The following PDE10A variants were observed in gnomAD, a reference collection of about 807,000 sequenced individuals.
The protein encoded by PDE10A is phosphodiesterase 10A.
PDE10A carries 39 observed loss-of-function variants against 97.7 expected under a neutral mutation model. The ratio of observed to expected loss-of-function variants is 0.40; its 90% CI spans 0.31 to 0.52. The LOEUF (loss-of-function observed/expected upper bound fraction) is 0.52, where lower values mean the gene tolerates loss of function less well. Ranked by LOEUF, PDE10A falls within the 20% of genes least tolerant of loss-of-function variation. PDE10A has a pLI of 0.56. For missense variants in PDE10A, 731 were observed against 1,047.8 expected, an observed-to-expected ratio of 0.70 and a Z score of 4.17; for synonymous variants, 371 against 376.8, an observed-to-expected ratio of 0.98 and a Z score of 0.18.
chr6:165,573,420 T>C (rs985470683), intron 1 of PDE10A, among the ~76,000 whole-genome samples: 3 of 152,192 alleles, frequency 2.0e-5, no homozygotes, highest in African/African-American at 7.2e-5. Context: ...GATAAACAGC[T>C]TGTTAGGCAT....
Position 165,379,379 on chromosome 6 carries a change from T to C in PDE10A, c.2611-13A>G, listed in dbSNP as rs1562400913. 5.0e-6 allele frequency: 8 copies of C among 1,600,294 alleles called. No individual in the cohort carries two copies. Among genetic ancestry groups the C allele is most frequent in the South Asian group, 1.1e-5 (1 of 88,906 alleles). On this transcript the variant is annotated splice_polypyrimidine_tract_variant and intron_variant, in intron 17 of 21. Transcript: ENST00000539869. ...TGTGCCCTTCCAACTAGGGAAAAAA[T>C]ACAAATAAAAACCACCAATAACAAG...
chr6:165,923,041 C>T (rs527982477), intron 1 of PDE10A, among the ~76,000 whole-genome samples: 26 of 152,150 alleles, frequency 1.7e-4, no homozygotes, highest in Non-Finnish European at 1.5e-5. Flanking sequence ...CCCTAGCCCA[C>T]TGTAATGGGT....
intron 5 of PDE10A, among the ~76,000 whole-genome samples, chr6:165,437,114 A>G (rs1055110107): frequency 4.6e-5 from 7 of 152,200 alleles, no homozygotes; most frequent in Non-Finnish European, 1.0e-4. Flanking sequence ...ATGTCATAAT[A>G]AAAACAGAAG....
chr6:165,680,419 G>T (rs1439760839), intron 1 of PDE10A, among the ~76,000 whole-genome samples: 1 of 152,138 alleles, frequency 6.6e-6, no homozygotes, highest in South Asian at 2.1e-4. Flanking sequence ...AGCTACAATC[G>T]GAGGTACTTT....
chr6:165,471,755 T>G lies in PDE10A; in HGVS notation c.1023+10560A>C, dbSNP rs548138426. Among the ~76,000 whole-genome samples the G allele has an allele frequency of 4.6e-5, 7 of 152,268 alleles. No homozygotes were observed. In the South Asian group the frequency reaches 1.2e-3, roughly 27 times the overall value. On this transcript the variant is annotated intron_variant, in intron 3 of 21. Transcript: ENST00000539869. ...CAGAATTCTATCAAACCCAAGCATT[T>G]TCCCCTACCTCCATTACCACCAGCC... is the stretch of plus-strand genomic sequence containing the variant.
intron 1 of PDE10A, among the ~76,000 whole-genome samples, chr6:165,643,927 C>G (rs183773694): frequency 5.9e-5 from 9 of 152,302 alleles, no homozygotes; most frequent in African/African-American, 2.2e-4. Context: ...TGTATGCATA[C>G]ATCAAAGAAT....
At chr6:165,852,627 T>C (rs1025572905) in intron 1 of PDE10A, among the ~76,000 whole-genome samples, 2 of 152,178 alleles carry the variant, frequency 1.3e-5, no homozygotes, top group African/African-American at 2.4e-5. Flanking sequence ...CAGCCCACCA[T>C]GTGGAGAAGC....
At chr6:165,972,639 G>A (rs1382344582) in intron 1 of PDE10A, among the ~76,000 whole-genome samples, 1 of 152,098 alleles carries the variant, frequency 6.6e-6, no homozygotes, top group Non-Finnish European at 1.5e-5. Flanking sequence ...ACTGAGGCTC[G>A]GGTGCTGAGA....
At chr6:165,793,916 C>G (rs1304374476) in intron 1 of PDE10A, among the ~76,000 whole-genome samples, 1 of 152,194 alleles carries the variant, frequency 6.6e-6, no homozygotes, top group Non-Finnish European at 1.5e-5. Context: ...CCCAAATTAT[C>G]TGGTTTAATC....
intron 1 of PDE10A, among the ~76,000 whole-genome samples, chr6:165,753,812 G>A (rs770021376): frequency 3.9e-5 from 6 of 152,072 alleles, no homozygotes; most frequent in Non-Finnish European, 7.4e-5. Context: ...TTCCATATTG[G>A]AATGAGCATA....
At chr6:165,700,175 T>C (rs1791533039) in intron 1 of PDE10A, among the ~76,000 whole-genome samples, 1 of 152,210 alleles carries the variant, frequency 6.6e-6, no homozygotes, top group African/African-American at 2.4e-5. Context: ...GAAAACATTA[T>C]GCTCAGTGAA....
chr6:165,965,302 C>A (rs927988451), intron 1 of PDE10A, among the ~76,000 whole-genome samples: 1 of 152,026 alleles, frequency 6.6e-6, no homozygotes, highest in East Asian at 1.9e-4. Context: ...GGCTGGGTAG[C>A]GTTCTGAATG....
At chr6:165,606,036 C>T (rs994025844) in intron 1 of PDE10A, among the ~76,000 whole-genome samples, 7 of 151,762 alleles carry the variant, frequency 4.6e-5, no homozygotes, top group Non-Finnish European at 7.4e-5. Context: ...GAGCTGGGCA[C>T]GCAGCAGGTG....
In PDE10A at chr6:165,850,213, C is replaced by G. The variant is rs373709516; in HGVS notation, c.-615+137316G>C. On this transcript the variant is annotated intron_variant, in intron 1 of 19. Transcript: ENST00000366882. ...GACAGCTCGCCCCATGGAGCCGCCA[C>G]CTGGACTCCGGGAGGCGCCAAGGCT... Among the ~76,000 whole-genome samples the G allele has an allele frequency of 1.0e-3, 159 of 152,338 alleles. 3 individuals are homozygous for G. In the South Asian group the frequency reaches 0.03, roughly 29 times the overall value.
intron 3 of PDE10A, among the ~76,000 whole-genome samples, chr6:165,451,918 T>C (rs538542761): frequency 1.3e-5 from 2 of 152,356 alleles, no homozygotes; most frequent in South Asian, 2.1e-4. Context: ...CTAGGTTGGC[T>C]GAAATCTGTT....
At chr6:165,426,521 A>G (rs1789179741) in intron 10 of PDE10A, among the ~76,000 whole-genome samples, 1 of 152,102 alleles carries the variant, frequency 6.6e-6, no homozygotes, top group Non-Finnish European at 1.5e-5. Context: ...AAACCCTACA[A>G]CTCTTAGAAG....
At chr6:165,766,406 G>A (rs1777851421) in intron 1 of PDE10A, among the ~76,000 whole-genome samples, 1 of 152,216 alleles carries the variant, frequency 6.6e-6, no homozygotes, top group Non-Finnish European at 1.5e-5. Context: ...TTTAAAGTTT[G>A]ATATGTCTTA....
intron 1 of PDE10A, among the ~76,000 whole-genome samples, chr6:165,611,824 T>C (rs1424551505): frequency 6.6e-6 from 1 of 152,256 alleles, no homozygotes; most frequent in African/African-American, 2.4e-5. Flanking sequence ...TTTGATCTCC[T>C]TCGTTCAGAA....
In PDE10A at chr6:165,657,089, T is replaced by C. The variant is rs141217908; in HGVS notation, c.865+4858A>G. On this transcript the variant is annotated intron_variant, in intron 1 of 21. Coordinates refer to ENST00000539869, the MANE Select transcript of PDE10A (RefSeq NM_001385079.1). ...AGTATTTGAGTACCTTCTCTATGTG[T>C]GTCAGCCACTGTTAACAGTCTCAGG... Among the ~76,000 whole-genome samples the C allele has an allele frequency of 2.6e-5, 4 of 152,376 alleles. No individual in the cohort carries two copies. The East Asian group carries it at 7.7e-4, about 29-fold the overall frequency.
Sources: allele counts gnomAD v4.1 joint callset (sites outside exome capture counted in the v4.1 genomes callset), GRCh38; gene constraint gnomAD v4.1.1; transcripts MANE v1.5; gene names NCBI Gene and HGNC (gene_info 2026-07-23, HGNC 2026-07-21).